Variants in VWC2 observed in about 807,000 individuals in gnomAD.
The protein encoded by VWC2 is von Willebrand factor C domain containing 2, also known as brorin.
In VWC2, 14 loss-of-function variants were observed where a neutral mutation model predicts 29.8. That is an observed-to-expected ratio of 0.47 (90% CI 0.31 to 0.74). VWC2 has a LOEUF of 0.74. Ranked by LOEUF, VWC2 falls within the 30% of genes least tolerant of loss-of-function variation. The probability of loss-of-function intolerance (pLI) is 0.05; values close to 1 mark genes in which losing one functional copy is unlikely to be tolerated. For missense variants in VWC2, 457 were observed against 459.8 expected (o/e 0.99, Z 0.05); for synonymous variants, 213 against 199.0 (o/e 1.07, Z -0.59).
chr7:49,891,893 ATATC>A (rs1307796633), intron 3 of VWC2, among the ~76,000 whole-genome samples: 8 of 152,238 alleles, frequency 5.3e-5, no homozygotes, highest in Non-Finnish European at 1.2e-4. Flanking sequence ...TTTAAAGTAA[ATATC>A]TATCAAGAGT....
chr7:49,871,959 C>T (rs1296505068), intron 3 of VWC2, among the ~76,000 whole-genome samples: 2 of 34,612 alleles, frequency 5.8e-5, no homozygotes, highest in Non-Finnish European at 1.2e-4. Flanking sequence ...ACACACACAC[C>T]GAGAAAGAGA....
At chr7:49,796,725 GGTTATGAAGATTATAATCACA>G (rs1788599632) in intron 2 of VWC2, among the ~76,000 whole-genome samples, 1 of 152,118 alleles carries the variant, frequency 6.6e-6, no homozygotes, top group Admixed American at 6.5e-5. Flanking sequence ...TCCTTCTCAT[GGTTATGAAGATTATAATCACA>G]GTTATGAAAT....
intron 3 of VWC2, among the ~76,000 whole-genome samples, chr7:49,813,695 C>T (rs908195683): frequency 2.0e-5 from 3 of 152,040 alleles, no homozygotes; most frequent in African/African-American, 7.3e-5. Flanking sequence ...TATTAACGTG[C>T]AATAATACTT....
In VWC2 at chr7:49,841,753, A is replaced by G. The variant is rs966483648; in HGVS notation, c.826+38913A>G. ...CCACACATTTCTTATAATGTGTAAT[A>G]ATTTTTGCAGACATTTTTCATGGAG... On this transcript the variant is annotated intron_variant, in intron 3 of 3. Coordinates refer to ENST00000340652, the MANE Select transcript of VWC2 (RefSeq NM_198570.5). Among the ~76,000 whole-genome samples the G allele has an allele frequency of 6.6e-5, 10 of 152,308 alleles. No individual in the cohort carries two copies. The South Asian group carries it at 8.3e-4, about 13-fold the overall frequency.
At chr7:49,883,514 T>A (rs1014843142) in intron 3 of VWC2, among the ~76,000 whole-genome samples, 1 of 152,024 alleles carries the variant, frequency 6.6e-6, no homozygotes, top group Non-Finnish European at 1.5e-5. Context: ...CAAGAAAAAA[T>A]TAAAATCATA....
chr7:49,796,513 A>G (rs901865736), intron 2 of VWC2, among the ~76,000 whole-genome samples: 8 of 152,208 alleles, frequency 5.3e-5, no homozygotes, highest in African/African-American at 1.9e-4. Flanking sequence ...TTTCTCACAG[A>G]AAGATGTGTT....
chr7:49,836,747 CT>C (rs1297476684), intron 3 of VWC2, among the ~76,000 whole-genome samples: 2 of 152,134 alleles, frequency 1.3e-5, no homozygotes, highest in Non-Finnish European at 1.5e-5. Flanking sequence ...TAGAAAAAAT[CT>C]TTTAGGTTTT....
intron 3 of VWC2, among the ~76,000 whole-genome samples, chr7:49,882,830 CTTCTATTTTTTGTGTTTTTGGGTTTTT>C (rs1198192949): frequency 3.0e-4 from 45 of 152,042 alleles, no homozygotes; most frequent in Admixed American, 2.8e-3. Context: ...TCAACTACAT[CTTCTATTTTTTGTGTTTTTGGGTTTTT>C]TTTGTTTTTG....
intron 3 of VWC2, among the ~76,000 whole-genome samples, chr7:49,871,943 A>G (rs1027170540): frequency 7.0e-6 from 1 of 142,456 alleles, no homozygotes; most frequent in Non-Finnish European, 1.5e-5. Flanking sequence ...ACACACACAC[A>G]CACACACACA....
intron 3 of VWC2, among the ~76,000 whole-genome samples, chr7:49,817,571 C>CAGA (rs1455943339): frequency 6.6e-6 from 1 of 152,178 alleles, no homozygotes; most frequent in African/African-American, 2.4e-5. Context: ...CTTTGTTGAT[C>CAGA]AGAAGACACA....
chr7:49,912,306 T>C lies in VWC2; in HGVS notation c.*121T>C, dbSNP rs1019028759. 4 of 1,086,730 alleles carry C rather than the reference T, an allele frequency of 3.7e-6. No homozygotes were observed. In the African/African-American group the frequency reaches 4.7e-5, roughly 13 times the overall value. 67.3% of individuals were successfully genotyped at this position (1,086,730 alleles called of 1,614,324 possible). A position where few individuals can be genotyped will look rare whatever the true frequency, so the allele number is the denominator to read the frequency against. ...TTGATGAGGAATAATGGAAAATTGT[T>C]GGTACTTTTCCTTTTCTTGATAACA... On this transcript the variant is annotated 3_prime_UTR_variant, in exon 4 of 4. Transcript: ENST00000340652.
At chr7:49,795,392 G>A (rs547860883) in intron 2 of VWC2, among the ~76,000 whole-genome samples, 1 of 152,254 alleles carries the variant, frequency 6.6e-6, no homozygotes, top group Admixed American at 6.5e-5. Flanking sequence ...ATGTGCCCTA[G>A]GTTCTGAACT....
At chr7:49,859,247 G>A (rs758772371) in intron 3 of VWC2, among the ~76,000 whole-genome samples, 14 of 152,164 alleles carry the variant, frequency 9.2e-5, no homozygotes, top group Non-Finnish European at 1.9e-4. Flanking sequence ...ACCATTTGGG[G>A]GGTTCTTCTT....
rs1340124111 is a variant in VWC2, at chr7:49,916,248, G to A, written c.*4063G>A. The A allele has an allele frequency of 6.6e-6, 1 of 152,190 alleles. No homozygotes were observed. The highest frequency in any genetic ancestry group is 1.9e-4 in the East Asian group (1 of 5,184). The allele number at this position is 152,190 out of a possible 1,614,324, so 9.4% of individuals were successfully genotyped here. A position where few individuals can be genotyped will look rare whatever the true frequency, so the allele number is the denominator to read the frequency against. ...AACATCCAAACTCCTCAACATGGAA[G>A]ACTGGTGTCTTCACAATTAGATCAT... is the stretch of plus-strand genomic sequence containing the variant. On this transcript the variant is annotated 3_prime_UTR_variant, in exon 4 of 4. Transcript: ENST00000340652.
intron 3 of VWC2, among the ~76,000 whole-genome samples, chr7:49,849,498 T>C (rs1359784125): frequency 6.6e-6 from 1 of 152,132 alleles, no homozygotes; most frequent in Non-Finnish European, 1.5e-5. Flanking sequence ...CCTTCTGAAG[T>C]GCATCTTTCT....
intron 3 of VWC2, among the ~76,000 whole-genome samples, chr7:49,895,641 T>A (rs1792349524): frequency 6.6e-6 from 1 of 152,180 alleles, no homozygotes; most frequent in African/African-American, 2.4e-5. Context: ...CAACACAATG[T>A]AACATATCAG....
At chr7:49,883,908 G>A (rs764844694) in intron 3 of VWC2, among the ~76,000 whole-genome samples, 10 of 152,298 alleles carry the variant, frequency 6.6e-5, no homozygotes, top group Admixed American at 1.3e-4. Flanking sequence ...TGCTGGCTTC[G>A]GATTGTCTTC....
intron 2 of VWC2, among the ~76,000 whole-genome samples, chr7:49,787,697 A>G (rs1216651980): frequency 6.6e-6 from 1 of 152,198 alleles, no homozygotes; most frequent in African/African-American, 2.4e-5. Context: ...AGGTTGAAAA[A>G]GAATATGGCT....
chr7:49,860,301 C>A (rs1191287725), intron 3 of VWC2, among the ~76,000 whole-genome samples: 1 of 152,138 alleles, frequency 6.6e-6, no homozygotes, highest in Non-Finnish European at 1.5e-5. Context: ...TAATTTATGT[C>A]TCTAAAAATT....
Sources: gnomAD v4.1 joint callset for allele counts (sites outside exome capture counted in the v4.1 genomes callset) on GRCh38, gnomAD v4.1.1 for gene constraint, MANE v1.5 for transcripts, NCBI Gene and HGNC (gene_info 2026-07-23, HGNC 2026-07-21) for gene names.